HHAT: variants seen among roughly 807,000 people sequenced by gnomAD.
HHAT encodes the protein protein-cysteine N-palmitoyltransferase HHAT.
A neutral mutation model predicts 70.8 loss-of-function variants in HHAT; 47 were observed. The ratio of observed to expected loss-of-function variants is 0.66; its 90% CI spans 0.53 to 0.85. The LOEUF (loss-of-function observed/expected upper bound fraction) is 0.85. HHAT is among the 40% of genes least tolerant of loss of function. HHAT has a pLI of 0.00. For synonymous variants in HHAT, 228 were observed against 247.6 expected, an observed-to-expected ratio of 0.92 and a Z score of 0.74; for missense variants, 609 against 604.8, an observed-to-expected ratio of 1.01 and a Z score of -0.07.
At chr1:210,606,929 A>T (rs1173123499) in intron 10 of HHAT, among the ~76,000 whole-genome samples, 2 of 152,192 alleles carry the variant, frequency 1.3e-5, no homozygotes, top group African/African-American at 4.8e-5. Context: ...TGGAAGCATT[A>T]CTGCGAACAT....
intron 9 of HHAT, among the ~76,000 whole-genome samples, chr1:210,562,117 T>C (rs574899409): frequency 3.3e-5 from 5 of 152,158 alleles, no homozygotes; most frequent in Non-Finnish European, 5.9e-5. Flanking sequence ...TTACAACTTA[T>C]AGATATCATT....
intron 10 of HHAT, 59 bp from the exon 11 acceptor site, chr1:210,623,467 T>C: frequency 6.2e-7 from 1 of 1,601,640 alleles, no homozygotes; most frequent in Non-Finnish European, 8.5e-7. Flanking sequence ...CTGGATGGTA[T>C]CTTAGCCCCA....
chr1:210,418,838 G>C (rs2092805844), intron 7 of HHAT, among the ~76,000 whole-genome samples: 1 of 152,084 alleles, frequency 6.6e-6, no homozygotes, highest in East Asian at 1.9e-4. Flanking sequence ...TTTGAGACCA[G>C]CCTGGCCAAG....
At chr1:210,602,922 T>C (rs1309462409) in intron 10 of HHAT, among the ~76,000 whole-genome samples, 1 of 152,200 alleles carries the variant, frequency 6.6e-6, no homozygotes, top group Non-Finnish European at 1.5e-5. Context: ...GTCTAAGAGG[T>C]AGAATTCTGA....
chr1:210,626,923 G>A (rs1669944097), intron 11 of HHAT, among the ~76,000 whole-genome samples: 1 of 152,204 alleles, frequency 6.6e-6, no homozygotes, highest in Admixed American at 6.5e-5. Context: ...TGACAGCCTT[G>A]TAGTCTTGGC....
At chr1:210,358,914 C>T (rs538480561) in intron 2 of HHAT, among the ~76,000 whole-genome samples, 4 of 152,270 alleles carry the variant, frequency 2.6e-5, no homozygotes, top group Middle Eastern at 6.8e-3. Flanking sequence ...TCATTGGCAG[C>T]GATTAAAATG....
At chr1:210,346,763 G>A (rs1041651113) in intron 1 of HHAT, among the ~76,000 whole-genome samples, 1 of 152,208 alleles carries the variant, frequency 6.6e-6, no homozygotes, top group Non-Finnish European at 1.5e-5. Flanking sequence ...TTGTGTGTGC[G>A]GCAGATTCTA....
At chr1:210,397,642 G>A (rs1301457321) in intron 4 of HHAT, among the ~76,000 whole-genome samples, 1 of 151,734 alleles carries the variant, frequency 6.6e-6, no homozygotes, top group Non-Finnish European at 1.5e-5. Flanking sequence ...TTTTACTTAA[G>A]AGAGAAAAAA....
At chr1:210,673,923 C>G (rs1219007121) in intron 11 of HHAT, among the ~76,000 whole-genome samples, 2 of 148,886 alleles carry the variant, frequency 1.3e-5, no homozygotes, top group Non-Finnish European at 3.0e-5. Context: ...GTGCCTGGCT[C>G]TAAACATGGA....
intron 9 of HHAT, among the ~76,000 whole-genome samples, chr1:210,544,366 CGTTTTTTTTT>C (rs1183914559): frequency 9.5e-6 from 1 of 105,324 alleles, no homozygotes; most frequent in African/African-American, 3.7e-5. Flanking sequence ...TTCTTTCTTT[CGTTTTTTTTT>C]TTTTTTTTTT....
At chr1:210,585,790 A>G (rs1269512875) in intron 9 of HHAT, among the ~76,000 whole-genome samples, 1 of 152,124 alleles carries the variant, frequency 6.6e-6, no homozygotes, top group Non-Finnish European at 1.5e-5. Flanking sequence ...GGGGTCATTG[A>G]GTGGAATATT....
chr1:210,494,542 C>CTTTTTTTTTTTTTTTTTTTTTTTT lies in HHAT; in HGVS notation c.1008-18607_1008-18584dup, dbSNP rs71146226. Among the ~76,000 whole-genome samples the CTTTTTTTTTTTTTTTTTTTTTTTT allele has an allele frequency of 2.3e-4, 19 of 82,848 alleles. 3 individuals are homozygous for CTTTTTTTTTTTTTTTTTTTTTTTT. The highest frequency in any genetic ancestry group is 3.9e-4 in the East Asian group (1 of 2,556). 54.4% of individuals were successfully genotyped at this position (82,848 alleles called of 152,430 possible). ...AGATCAGGAGTTCAGTTTGAAATAGCTTTTTTTTTTTTTTTTTTTTTTTTT... is the reference window on the plus strand; with the variant it reads ...AGATCAGGAGTTCAGTTTGAAATAGCTTTTTTTTTTTTTTTTTTTTTTTTTTTTTTTTTTTTTTTTTTTTTTTTT... On this transcript the variant is annotated intron_variant, in intron 8 of 11. Transcript: ENST00000261458.
intron 9 of HHAT, among the ~76,000 whole-genome samples, chr1:210,586,782 A>G (rs960859501): frequency 1.2e-4 from 18 of 152,352 alleles, no homozygotes; most frequent in African/African-American, 4.3e-4. Context: ...CAAGAAGGGT[A>G]TGCTCCTAGC....
intron 2 of HHAT, among the ~76,000 whole-genome samples, chr1:210,360,618 A>ATT (rs1021538991): frequency 2.0e-5 from 3 of 152,050 alleles, no homozygotes; most frequent in African/African-American, 7.2e-5. Context: ...CCGAGGACAG[A>ATT]TTTTTGGTCT....
At chr1:210,533,657 GGT>G (rs1273150356) in intron 9 of HHAT, among the ~76,000 whole-genome samples, 1 of 152,172 alleles carries the variant, frequency 6.6e-6, no homozygotes, top group Non-Finnish European at 1.5e-5. Context: ...TGCACCCACA[GGT>G]GTATTTTCAG....
chr1:210,615,230 C>T (rs1667442700), intron 10 of HHAT, among the ~76,000 whole-genome samples: 1 of 152,168 alleles, frequency 6.6e-6, no homozygotes, highest in African/African-American at 2.4e-5. Flanking sequence ...AGTGTCTGTT[C>T]ATATCCTTCA....
chr1:210,483,094 C>A (rs1352283914), intron 8 of HHAT, among the ~76,000 whole-genome samples: 1 of 152,132 alleles, frequency 6.6e-6, no homozygotes, highest in African/African-American at 2.4e-5. Flanking sequence ...TGTAGATTTA[C>A]CACCAGTAAA....
intron 8 of HHAT, among the ~76,000 whole-genome samples, chr1:210,492,394 A>G (rs17188260): frequency 0.18 from 27,651 of 152,110 alleles, 3,161 homozygotes; most frequent in Admixed American, 0.29. Flanking sequence ...ATTTCTATAT[A>G]TCTCCTGCCT....
intron 9 of HHAT, among the ~76,000 whole-genome samples, chr1:210,577,636 G>GTTT (rs1558198901): frequency 1.1e-5 from 1 of 93,488 alleles, no homozygotes; most frequent in East Asian, 2.8e-4. Flanking sequence ...TGGCCTGTAG[G>GTTT]ATTTTTTTTT....
Sources: gnomAD v4.1 joint callset for allele counts (sites outside exome capture counted in the v4.1 genomes callset) on GRCh38, gnomAD v4.1.1 for gene constraint, MANE v1.5 for transcripts, NCBI Gene and HGNC (gene_info 2026-07-23, HGNC 2026-07-21) for gene names.